Variants in CTNNA3 observed in about 807,000 individuals in gnomAD.
The protein encoded by CTNNA3 is catenin alpha-3.
Under a neutral mutation model 95.7 loss-of-function variants are expected in CTNNA3, and 76 were observed. The ratio of observed to expected loss-of-function variants is 0.79; its 90% CI spans 0.66 to 0.96. The LOEUF (loss-of-function observed/expected upper bound fraction) is 0.96. Ranked by LOEUF, CTNNA3 falls within the 40% of genes least tolerant of loss-of-function variation. CTNNA3 has a pLI of 0.00. For synonymous variants in CTNNA3, 431 were observed against 374.4 expected, an observed-to-expected ratio of 1.15 and a Z score of -1.74; for missense variants, 1,191 against 1,089.8, an observed-to-expected ratio of 1.09 and a Z score of -1.31.
chr10:67,132,088 T>C (rs1433446592), intron 7 of CTNNA3, among the ~76,000 whole-genome samples: 5 of 152,076 alleles, frequency 3.3e-5, no homozygotes, highest in East Asian at 1.9e-4. Context: ...TCAGTGTGAA[T>C]AGACAGACAA....
At position 67,107,945 on chromosome 10, in the gene CTNNA3, C is replaced by T. The variant is rs180724245; in HGVS notation, c.1047+72372G>A. The stretch of plus-strand genomic sequence containing the variant: ...GGCCTTGCGGAGAGTCCCTGTTTCC[C>T]CCTTTTCTTCCTTTTCACCCAATAA... On this transcript the variant is annotated intron_variant, in intron 7 of 17. Coordinates refer to ENST00000433211, the MANE Select transcript of CTNNA3 (RefSeq NM_013266.4). Among the ~76,000 whole-genome samples the T allele has an allele frequency of 1.2e-3, 178 of 152,308 alleles. 1 individual carries two copies. Among genetic ancestry groups the T allele is most frequent in the African/African-American group, 4.1e-3 (171 of 41,572 alleles).
At chr10:66,875,599 G>GGTA (rs2132452338) in intron 7 of CTNNA3, among the ~76,000 whole-genome samples, 1 of 151,884 alleles carries the variant, frequency 6.6e-6, no homozygotes, top group African/African-American at 2.4e-5. Context: ...CCATATGGAA[G>GGTA]GTAGTTATTC....
chr10:66,962,886 C>G (rs1849197126), intron 7 of CTNNA3, among the ~76,000 whole-genome samples: 1 of 152,166 alleles, frequency 6.6e-6, no homozygotes, highest in Non-Finnish European at 1.5e-5. Flanking sequence ...CAACAATGCA[C>G]CCCATAAAGG....
At chr10:66,338,309 A>T (rs1564879564) in intron 12 of CTNNA3, among the ~76,000 whole-genome samples, 1 of 152,028 alleles carries the variant, frequency 6.6e-6, no homozygotes, top group Non-Finnish European at 1.5e-5. Context: ...GGAAGGATTA[A>T]TAGCAAATAG....
chr10:66,653,651 C>T (rs1845983518), intron 9 of CTNNA3, among the ~76,000 whole-genome samples: 1 of 152,054 alleles, frequency 6.6e-6, no homozygotes, highest in Non-Finnish European at 1.5e-5. Context: ...CCAAAGCAAT[C>T]TTGAGCCAAA....
At chr10:67,238,846 T>C (rs1865607568) in intron 5 of CTNNA3, among the ~76,000 whole-genome samples, 1 of 152,168 alleles carries the variant, frequency 6.6e-6, no homozygotes, top group African/African-American at 2.4e-5. Context: ...GCAAGTACTA[T>C]GGCTTACTTA....
At chr10:66,643,055 T>C (rs1187970276) in intron 9 of CTNNA3, among the ~76,000 whole-genome samples, 1 of 151,932 alleles carries the variant, frequency 6.6e-6, no homozygotes, top group East Asian at 1.9e-4. Context: ...TACAGAGAGG[T>C]CAGATGATAA....
intron 12 of CTNNA3, among the ~76,000 whole-genome samples, chr10:66,319,599 G>T (rs2092153829): frequency 6.6e-6 from 1 of 152,018 alleles, no homozygotes; most frequent in East Asian, 1.9e-4. Flanking sequence ...AACTTCCAGG[G>T]AAAATCTAAA....
At chr10:67,752,074 A>G (rs902663486) in intron 1 of CTNNA3, among the ~76,000 whole-genome samples, 4 of 152,228 alleles carry the variant, frequency 2.6e-5, no homozygotes, top group Non-Finnish European at 4.4e-5. Flanking sequence ...AAAGTCCTCA[A>G]TAAAATACTG....
At chr10:67,605,952 T>G (rs2133377519) in intron 3 of CTNNA3, among the ~76,000 whole-genome samples, 1 of 152,360 alleles carries the variant, frequency 6.6e-6, no homozygotes, top group East Asian at 1.9e-4. Context: ...ATTACAGGCA[T>G]GGGCCACCGC....
chr10:66,931,876 A>G (rs919609029), intron 7 of CTNNA3, among the ~76,000 whole-genome samples: 5 of 152,230 alleles, frequency 3.3e-5, no homozygotes, highest in Non-Finnish European at 1.5e-5. Flanking sequence ...GATGCTGGCT[A>G]AGCATTTTGA....
At chr10:67,642,336 A>G (rs1466569028) in intron 2 of CTNNA3, among the ~76,000 whole-genome samples, 1 of 152,184 alleles carries the variant, frequency 6.6e-6, no homozygotes, top group Non-Finnish European at 1.5e-5. Context: ...AAACAAATTT[A>G]CAAGAAAAAA....
At chr10:66,799,348 T>TA (rs1841338703) in intron 7 of CTNNA3, among the ~76,000 whole-genome samples, 1 of 151,500 alleles carries the variant, frequency 6.6e-6, no homozygotes, top group African/African-American at 2.4e-5. Flanking sequence ...AATATTTCAA[T>TA]AAAAATGAGT....
At chr10:67,129,274 C>T (rs1392620909) in intron 7 of CTNNA3, among the ~76,000 whole-genome samples, 1 of 152,142 alleles carries the variant, frequency 6.6e-6, no homozygotes, top group African/African-American at 2.4e-5. Flanking sequence ...TGTTTGTCAT[C>T]CCAATTGCCT....
intron 5 of CTNNA3, among the ~76,000 whole-genome samples, chr10:67,290,213 G>A (rs896628336): frequency 3.9e-5 from 6 of 152,166 alleles, no homozygotes; most frequent in African/African-American, 7.2e-5. Context: ...TTAAGGGATG[G>A]AGTAATACCT....
chr10:66,974,754 C>T (rs1278491281), intron 7 of CTNNA3, among the ~76,000 whole-genome samples: 1 of 151,340 alleles, frequency 6.6e-6, no homozygotes, highest in Non-Finnish European at 1.5e-5. Context: ...TTTTAATTTC[C>T]CTAATGACTA....
At chr10:66,370,173 G>A (rs943643928) in intron 12 of CTNNA3, among the ~76,000 whole-genome samples, 1 of 152,132 alleles carries the variant, frequency 6.6e-6, no homozygotes, top group South Asian at 2.1e-4. Flanking sequence ...CTTGAACCTC[G>A]AATTAAGTTT....
At chr10:65,974,330 G>A (rs895318633) in intron 16 of CTNNA3, among the ~76,000 whole-genome samples, 3 of 152,128 alleles carry the variant, frequency 2.0e-5, no homozygotes, top group African/African-American at 7.2e-5. Flanking sequence ...GCAAGGACAC[G>A]GAATCAACCT....
At chr10:66,700,312 A>G (rs1310979072) in intron 9 of CTNNA3, among the ~76,000 whole-genome samples, 2 of 152,100 alleles carry the variant, frequency 1.3e-5, no homozygotes, top group African/African-American at 2.4e-5. Context: ...ATTTTTATAT[A>G]TGGTGTAGAT....
Sources: gnomAD v4.1 joint callset for allele counts (sites outside exome capture counted in the v4.1 genomes callset) on GRCh38, gnomAD v4.1.1 for gene constraint, MANE v1.5 for transcripts, NCBI Gene and HGNC (gene_info 2026-07-23, HGNC 2026-07-21) for gene names.